Variants in HIVEP1 observed in about 807,000 individuals in gnomAD.
HIVEP1 encodes HIVEP zinc finger 1, also known as zinc finger protein 40.
A neutral mutation model predicts 180.0 loss-of-function variants in HIVEP1; 36 were observed. That is an observed-to-expected ratio of 0.20 (90% confidence interval 0.15 to 0.26). The LOEUF (loss-of-function observed/expected upper bound fraction) is 0.26. HIVEP1 is among the 10% of genes least tolerant of loss of function. The pLI is 1.00. For missense variants in HIVEP1, 3,143 were observed against 3,268.7 expected (o/e 0.96, Z 0.94); for synonymous variants, 1,239 against 1,239.0 (o/e 1.00, Z 0.00).
chr6:12,111,922 C>T (rs745348734), intron 3 of HIVEP1, among the ~76,000 whole-genome samples: 1 of 152,176 alleles, frequency 6.6e-6, no homozygotes, highest in Non-Finnish European at 1.5e-5. Context: ...CACCATGCTG[C>T]CATATTGGAC....
intron 4 of HIVEP1, among the ~76,000 whole-genome samples, chr6:12,127,373 G>A (rs561225679): frequency 3.3e-5 from 5 of 152,182 alleles, no homozygotes; most frequent in African/African-American, 1.2e-4. Context: ...AATTTGTTAA[G>A]TTCTCAGGCT....
intron 2 of HIVEP1, among the ~76,000 whole-genome samples, chr6:12,066,792 A>G (rs755630281): frequency 4.7e-4 from 72 of 152,246 alleles, no homozygotes; most frequent in Admixed American, 7.8e-4. Flanking sequence ...CTTCAAGGTA[A>G]CAGTGAAAAC....
chr6:12,070,999 C>T (rs969659748), intron 2 of HIVEP1, among the ~76,000 whole-genome samples: 1 of 152,156 alleles, frequency 6.6e-6, no homozygotes, highest in African/African-American at 2.4e-5. Flanking sequence ...AATGAGAACT[C>T]GAGACTCTGA....
intron 6 of HIVEP1, among the ~76,000 whole-genome samples, chr6:12,132,433 G>A (rs1758471580): frequency 2.0e-5 from 3 of 151,982 alleles, no homozygotes; most frequent in Admixed American, 6.5e-5. Context: ...ATAGAAAGAA[G>A]AAAAAGAATG....
In HIVEP1 at chr6:12,125,410, G is replaced by A. The variant is rs1368992008; in HGVS notation, c.5615G>A (p.Arg1872Gln). Residue 1872 changes from arginine to glutamine, a missense_variant, in exon 4 of 9, where the codon CGA (arginine) becomes CAA (glutamine). By Grantham distance (43) the Arg-to-Gln change is conservative. Coordinates refer to ENST00000379388, the MANE Select transcript of HIVEP1 (RefSeq NM_002114.4). ...KSSTSLTLTV[R>Q]SSPAPSENTH... The stretch of plus-strand genomic sequence containing the variant: ...TCCACATCATTAACTCTTACAGTTC[G>A]AAGTTCACCTGCTCCTTCAGAAAAT... 7 of 1,613,920 alleles carry A rather than the reference G, an allele frequency of 4.3e-6. No individual in the cohort carries two copies. Among genetic ancestry groups the A allele is most frequent in the South Asian group, 2.2e-5 (2 of 91,078 alleles).
intron 2 of HIVEP1, among the ~76,000 whole-genome samples, chr6:12,033,779 C>T (rs747493956): frequency 6.6e-6 from 1 of 152,190 alleles, no homozygotes; most frequent in African/African-American, 2.4e-5. Flanking sequence ...AAAGCCAAAT[C>T]TCTAGACACT....
chr6:12,124,483 A>G lies in HIVEP1; in HGVS notation c.4688A>G (p.His1563Arg), dbSNP rs1410516136. The change falls in exon 4 of 9, where the codon CAT becomes CGT. Residue 1563 changes from histidine to arginine, a missense_variant. Physicochemically the swap from His to Arg is conservative, Grantham distance 29 (BLOSUM62 0). Transcript: ENST00000379388. The part of the protein sequence containing the change: ...EDCFAPKYQL[H>R]CQVFTSGPSC... ...TGCTTTGCTCCCAAATACCAATTGCATTGTCAGGTTTTCACTTCAGGCCCA... is the reference window on the plus strand; with the variant it reads ...TGCTTTGCTCCCAAATACCAATTGCGTTGTCAGGTTTTCACTTCAGGCCCA... 1.2e-6 allele frequency: 2 copies of G among 1,614,020 alleles called. No homozygotes were observed. Among genetic ancestry groups the G allele is most frequent in the Admixed American group, 3.3e-5 (2 of 60,006 alleles).
chr6:12,160,875 T>TG (rs1222379583), intron 7 of HIVEP1, among the ~76,000 whole-genome samples: 2 of 152,226 alleles, frequency 1.3e-5, no homozygotes, highest in African/African-American at 2.4e-5. Flanking sequence ...AATGCCTCTT[T>TG]GGGGCCTAGT....
At chr6:12,174,551 T>C in the HIVEP1 span, among the ~76,000 whole-genome samples, 1 of 152,152 alleles carries the variant, frequency 6.6e-6, no homozygotes, top group Non-Finnish European at 1.5e-5. Flanking sequence ...CAGGGACCAA[T>C]CCTGGAAAAA....
intron 3 of HIVEP1, among the ~76,000 whole-genome samples, chr6:12,099,512 A>G (rs1249208058): frequency 6.6e-6 from 1 of 151,894 alleles, no homozygotes; most frequent in East Asian, 1.9e-4. Context: ...CAGCAGGCCC[A>G]CCCCACATCA....
At position 12,120,059 on chromosome 6, in the gene HIVEP1, T is replaced by C. The variant is rs1439679769; in HGVS notation, c.264T>C (p.His88=). ...NTEESSFAVL[H]SASESHKKQN... is the part of the protein sequence containing the mutation. ...AAGAGTCATCTTTCGCCGTTCTTCA[T>C]AGTGCTTCGGAGTCTCACAAGAAAC... Residue 88 remains histidine, a synonymous_variant, in exon 4 of 9, where the codon CAT becomes CAC. Coordinates refer to ENST00000379388, the MANE Select transcript of HIVEP1 (RefSeq NM_002114.4). The C allele has an allele frequency of 6.2e-7, 1 of 1,613,264 alleles. No homozygotes were observed. Among genetic ancestry groups the C allele is most frequent in the Non-Finnish European group, 8.5e-7 (1 of 1,179,862 alleles).
At position 12,161,473 on chromosome 6, in the gene HIVEP1, A is replaced by C; in HGVS notation, c.6522A>C (p.Gly2174=). 1 of 1,613,838 alleles carries C rather than the reference A, an allele frequency of 6.2e-7. No homozygotes were observed. The highest frequency in any genetic ancestry group is 8.5e-7 in the Non-Finnish European group (1 of 1,179,718). Residue 2174 remains glycine (G), a synonymous_variant, in exon 8 of 9, where the codon GGA becomes GGC. Coordinates refer to ENST00000379388, the MANE Select transcript of HIVEP1 (RefSeq NM_002114.4). ...AGAGATTCAGTTATGAGCGATCTGGATATGATCTTGAAGAATCTGATGGCC... is the reference window on the plus strand; with the variant it reads ...AGAGATTCAGTTATGAGCGATCTGGCTATGATCTTGAAGAATCTGATGGCC... ...EKQRFSYERS[G]YDLEESDGPD... is the part of the protein sequence containing the mutation.
chr6:12,153,690 A>G (rs1198163789), intron 7 of HIVEP1, among the ~76,000 whole-genome samples: 1 of 152,042 alleles, frequency 6.6e-6, no homozygotes, highest in Non-Finnish European at 1.5e-5. Flanking sequence ...TTCCAAGTTA[A>G]CCAGTAGAAG....
intron 3 of HIVEP1, among the ~76,000 whole-genome samples, chr6:12,118,430 C>G (rs967792919): frequency 6.6e-6 from 1 of 152,118 alleles, no homozygotes; most frequent in Admixed American, 6.5e-5. Context: ...ATATGCCCAA[C>G]AATCCAACAA....
chr6:12,128,269 A>G (rs1475729475), intron 4 of HIVEP1, among the ~76,000 whole-genome samples: 3 of 152,212 alleles, frequency 2.0e-5, no homozygotes. Flanking sequence ...AGAGAAGGAA[A>G]GGTTGCATCA....
chr6:12,132,773 C>T lies in HIVEP1; in HGVS notation c.6385+1831C>T, dbSNP rs377046746. On this transcript the variant is annotated intron_variant, in intron 6 of 8. Coordinates refer to ENST00000379388, the MANE Select transcript of HIVEP1 (RefSeq NM_002114.4). The stretch of plus-strand genomic sequence containing the variant: ...ATGGTAAATATTTATTTGAAGGAGG[C>T]TATCCTTGCTAAGGAGACTGGTGAA... Among the ~76,000 whole-genome samples the T allele has an allele frequency of 1.1e-4, 17 of 152,220 alleles. No individual in the cohort carries two copies. The East Asian group carries it at 1.3e-3, about 12-fold the overall frequency.
the HIVEP1 span, among the ~76,000 whole-genome samples, chr6:12,175,766 G>C: frequency 6.6e-6 from 1 of 152,212 alleles, no homozygotes. Flanking sequence ...GAGTCTTTCT[G>C]TGCATTCACT....
chr6:12,176,239 T>TG, the HIVEP1 span, among the ~76,000 whole-genome samples: 6 of 151,010 alleles, frequency 4.0e-5, no homozygotes, highest in South Asian at 6.3e-4. Context: ...TTGGGTTTTT[T>TG]TTTTTTTTTT....
At chr6:12,104,316 C>A (rs1774280057) in intron 3 of HIVEP1, among the ~76,000 whole-genome samples, 1 of 150,306 alleles carries the variant, frequency 6.7e-6, no homozygotes, top group African/African-American at 2.4e-5. Flanking sequence ...ATATTGTATC[C>A]TTTGGTCTCC....
Sources: allele counts gnomAD v4.1 joint callset (sites outside exome capture counted in the v4.1 genomes callset), GRCh38; gene constraint gnomAD v4.1.1; transcripts MANE v1.5; gene names NCBI Gene and HGNC (gene_info 2026-07-23, HGNC 2026-07-21).